Variants in GNAL observed in about 807,000 individuals in gnomAD.
GNAL encodes the protein G protein subunit alpha L, also known as guanine nucleotide-binding protein G(olf) subunit alpha.
In GNAL, 18 loss-of-function variants were observed where a neutral mutation model predicts 55.1. That is an observed-to-expected ratio of 0.33 (90% CI 0.23 to 0.48). GNAL has a LOEUF of 0.48. GNAL is among the 20% of genes least tolerant of loss of function. GNAL has a pLI of 0.99. For synonymous variants in GNAL, 253 were observed against 237.0 expected (o/e 1.07, Z -0.62); for missense variants, 412 against 614.1 (o/e 0.67, Z 3.48).
intron 5 of GNAL, chr18:11,852,086 T>A: frequency 6.2e-7 from 1 of 1,606,768 alleles, no homozygotes; most frequent in South Asian, 1.1e-5. Context: ...TCTCAGAGAC[T>A]GGCCCGCCTT....
chr18:11,808,732 A>C (rs888121147), intron 4 of GNAL, among the ~76,000 whole-genome samples: 1 of 152,280 alleles, frequency 6.6e-6, no homozygotes, highest in African/African-American at 2.4e-5. Context: ...AATAATAGCC[A>C]AAAAGTAGAA....
In GNAL at chr18:11,884,452, G is replaced by T. The variant is rs148471755; in HGVS notation, c.*3317G>T. Reference sequence around the variant, plus strand: ...TATAATGGCGCCTGCTCTTCATCTTGTCTTACGCTTTCCGAGCAAGTTCAA... The same window carrying T: ...TATAATGGCGCCTGCTCTTCATCTTTTCTTACGCTTTCCGAGCAAGTTCAA... On this transcript the variant is annotated 3_prime_UTR_variant, in exon 12 of 12. Transcript: ENST00000334049. The T allele has an allele frequency of 6.0e-5, 97 of 1,613,734 alleles. No homozygotes were observed. Among genetic ancestry groups the T allele is most frequent in the Non-Finnish European group, 7.9e-5 (93 of 1,179,880 alleles).
chr18:11,792,817 A>C (rs1321126086), intron 4 of GNAL, among the ~76,000 whole-genome samples: 1 of 152,176 alleles, frequency 6.6e-6, no homozygotes, highest in Non-Finnish European at 1.5e-5. Context: ...CAAACTACCA[A>C]CCTGGTGACA....
At chr18:11,716,296 A>C (rs995935074) in intron 1 of GNAL, among the ~76,000 whole-genome samples, 28 of 152,072 alleles carry the variant, frequency 1.8e-4, no homozygotes, top group Non-Finnish European at 1.5e-5. Flanking sequence ...GTTCCTTCTG[A>C]CGTTCGGATG....
chr18:11,812,956 T>C (rs1170956130), intron 4 of GNAL, among the ~76,000 whole-genome samples: 1 of 151,800 alleles, frequency 6.6e-6, no homozygotes, highest in Non-Finnish European at 1.5e-5. Context: ...TTGAGATAAT[T>C]TAAATAAGAT....
chr18:11,705,235 C>T (rs530881250), intron 1 of GNAL, among the ~76,000 whole-genome samples: 2 of 151,716 alleles, frequency 1.3e-5, no homozygotes, highest in Non-Finnish European at 2.9e-5. Flanking sequence ...TGGCTTAACT[C>T]AGCATTCCCT....
intron 5 of GNAL, among the ~76,000 whole-genome samples, chr18:11,845,509 G>A (rs1370551060): frequency 5.3e-5 from 8 of 152,064 alleles, no homozygotes; most frequent in South Asian, 2.1e-4. Flanking sequence ...GGAATATATC[G>A]TGTGTTTCAT....
chr18:11,855,067 C>T (rs1164389248), intron 5 of GNAL, among the ~76,000 whole-genome samples: 2 of 152,024 alleles, frequency 1.3e-5, no homozygotes, highest in South Asian at 2.1e-4. Context: ...ACTACAGATG[C>T]GCACCAACAC....
chr18:11,856,709 T>A (rs918146329), intron 5 of GNAL, among the ~76,000 whole-genome samples: 1 of 152,120 alleles, frequency 6.6e-6, no homozygotes, highest in Non-Finnish European at 1.5e-5. Flanking sequence ...GCAGATCACC[T>A]GAGGTCAGGA....
chr18:11,767,362 C>T (rs2033441716), intron 4 of GNAL, among the ~76,000 whole-genome samples: 1 of 151,972 alleles, frequency 6.6e-6, no homozygotes, highest in South Asian at 2.1e-4. Context: ...CAAACCTGCT[C>T]TGTGCACACT....
intron 1 of GNAL, among the ~76,000 whole-genome samples, chr18:11,722,434 A>G (rs1444785284): frequency 2.6e-5 from 4 of 152,246 alleles, no homozygotes; most frequent in Non-Finnish European, 5.9e-5. Context: ...TCTAGCATAG[A>G]TATAGCATCA....
chr18:11,747,061 CGAG>C (rs1401694899), intron 1 of GNAL: 1 of 444,256 alleles, frequency 2.3e-6, no homozygotes, highest in Non-Finnish European at 4.5e-6. Flanking sequence ...TTCATGAGGC[CGAG>C]GAGAGAGAGG....
intron 4 of GNAL, among the ~76,000 whole-genome samples, chr18:11,784,827 A>G (rs1327701651): frequency 1.3e-5 from 2 of 152,188 alleles, no homozygotes; most frequent in African/African-American, 4.8e-5. Context: ...CTGTTGGATT[A>G]TGAGAAAGCT....
chr18:11,858,515 T>TA (rs1455004455), intron 5 of GNAL, among the ~76,000 whole-genome samples: 2 of 152,222 alleles, frequency 1.3e-5, no homozygotes, highest in Non-Finnish European at 2.9e-5. Flanking sequence ...GAGACCCCTT[T>TA]AAAATTCTCT....
At chr18:11,694,027 A>G (rs2031335143) in intron 1 of GNAL, among the ~76,000 whole-genome samples, 1 of 151,688 alleles carries the variant, frequency 6.6e-6, no homozygotes, top group Non-Finnish European at 1.5e-5. Context: ...TAACTTTTGT[A>G]TTTTATATAG....
chr18:11,799,899 C>G (rs2034479528), intron 4 of GNAL, among the ~76,000 whole-genome samples: 2 of 152,048 alleles, frequency 1.3e-5, no homozygotes, highest in African/African-American at 2.4e-5. Flanking sequence ...CTCTCTCCCT[C>G]TCTCTCGCCC....
intron 11 of GNAL, among the ~76,000 whole-genome samples, chr18:11,877,524 T>C (rs986379799): frequency 2.0e-5 from 3 of 152,248 alleles, no homozygotes; most frequent in Non-Finnish European, 4.4e-5. Flanking sequence ...TTGCCACATA[T>C]GCTTTATCTG....
intron 1 of GNAL, among the ~76,000 whole-genome samples, chr18:11,695,456 A>G (rs1235579454): frequency 1.3e-5 from 2 of 152,212 alleles, no homozygotes; most frequent in Non-Finnish European, 2.9e-5. Context: ...GTGAATCAAA[A>G]TATTTAATCT....
intron 4 of GNAL, among the ~76,000 whole-genome samples, chr18:11,773,621 T>C (rs1465785262): frequency 6.6e-6 from 1 of 151,888 alleles, no homozygotes; most frequent in Non-Finnish European, 1.5e-5. Context: ...AAATCTTGTA[T>C]AAAAATAAAA....
Sources: allele counts gnomAD v4.1 joint callset (sites outside exome capture counted in the v4.1 genomes callset), GRCh38; gene constraint gnomAD v4.1.1; transcripts MANE v1.5; gene names NCBI Gene and HGNC (gene_info 2026-07-23, HGNC 2026-07-21).